The following CTPS2 variants were observed in gnomAD, a reference collection of about 807,000 sequenced individuals.
The protein encoded by CTPS2 is CTP synthase II.
Under a neutral mutation model 46.8 loss-of-function variants are expected in CTPS2, and 19 were observed. The observed-to-expected ratio is 0.41, with a 90% confidence interval of 0.28 to 0.60. The LOEUF is 0.60. CTPS2 is among the 20% of genes least tolerant of loss of function. CTPS2 has a pLI of 0.35. For missense variants in CTPS2, 286 were observed against 447.6 expected (o/e 0.64, Z 3.26); for synonymous variants, 151 against 165.2 (o/e 0.91, Z 0.66).
At chrX:16,619,847 A>G (rs1930724971) in intron 15 of CTPS2, among the ~76,000 whole-genome samples, 1 of 110,359 alleles carries the variant, frequency 9.1e-6, no homozygotes, top group African/African-American at 3.3e-5. Flanking sequence ...CAAACTAATC[A>G]CCCCCTGATA....
chrX:16,698,951 A>G lies in CTPS2; in HGVS notation c.309T>C (p.Arg103=), dbSNP rs773867164. ...GCACTGTTTTCCCCAGGTAATCACC[A>G]CGCCTCTCTTTATTGATCACATGCT... ...IYQHVINKER[R]GDYLGKTVQV... Residue 103 remains arginine, a synonymous_variant, in exon 3 of 19, where the codon CGT becomes CGC. Coordinates refer to ENST00000359276, the MANE Select transcript of CTPS2 (RefSeq NM_175859.3). 4.2e-6 allele frequency: 5 copies of G among 1,203,779 alleles called. No individual in the cohort carries two copies. The highest frequency in any genetic ancestry group is 5.6e-6 in the Non-Finnish European group (5 of 892,089).
Position 16,702,753 on chromosome X carries a change from A to G in CTPS2, c.150T>C (p.Phe50=), listed in dbSNP as rs1163908284. Residue 50 remains phenylalanine (F), a synonymous_variant, in exon 2 of 19, where the codon TTT becomes TTC. Transcript: ENST00000359276. The stretch of plus-strand genomic sequence containing the variant: ...CTTTCGTACCGTGTTCATAAGGTGA[A>G]AAAGTGCCAGCATCGATGTTAATAT... ...DPYINIDAGT[F]SPYEHGEVFV... The G allele has an allele frequency of 4.1e-6, 5 of 1,211,214 alleles. No individual in the cohort carries two copies. The South Asian group carries it at 8.8e-5, about 21-fold the overall frequency.
chrX:16,595,162 T>TAAAC (rs1555952295), intron 17 of CTPS2, among the ~76,000 whole-genome samples: 11 of 102,703 alleles, frequency 1.1e-4, no homozygotes, highest in Non-Finnish European at 2.0e-5. Context: ...AGCAATCTTT[T>TAAAC]ACACACACAC....
intron 17 of CTPS2, among the ~76,000 whole-genome samples, chrX:16,595,281 T>A (rs192018853): frequency 1.8e-5 from 2 of 111,749 alleles, no homozygotes; most frequent in East Asian, 5.6e-4. Context: ...TCCCTATGTG[T>A]CTTGTTACAT....
chrX:16,693,592 G>A (rs1923874194), intron 4 of CTPS2, 105 bp from the exon 5 acceptor site: 1 of 546,112 alleles, frequency 1.8e-6, no homozygotes, highest in Non-Finnish European at 3.1e-6. Context: ...GAGAACTAAA[G>A]TTTGATGGTT....
intron 13 of CTPS2, among the ~76,000 whole-genome samples, chrX:16,647,227 T>A (rs946013470): frequency 9.3e-6 from 1 of 107,409 alleles, no homozygotes; most frequent in Non-Finnish European, 1.9e-5. Flanking sequence ...AAGTATAAAT[T>A]CTGACAATAG....
intron 13 of CTPS2, chrX:16,651,141 A>G (rs771022384): frequency 1.5e-5 from 15 of 1,017,327 alleles, no homozygotes; most frequent in Non-Finnish European, 1.9e-5. Flanking sequence ...GTTTACTCAA[A>G]GTAAGTGGCC....
At chrX:16,632,929 T>C (rs1353961383) in intron 14 of CTPS2, among the ~76,000 whole-genome samples, 3 of 111,180 alleles carry the variant, frequency 2.7e-5, no homozygotes. Flanking sequence ...AAAGCCCCCT[T>C]AGTCCTATTC....
chrX:16,672,904 T>TTTTTG (rs1921881511), intron 10 of CTPS2, among the ~76,000 whole-genome samples: 1 of 94,982 alleles, frequency 1.1e-5, no homozygotes. Flanking sequence ...TTTTTTTTTT[T>TTTTTG]GAGACGGAGT....
chrX:16,656,665 C>T (rs940338648), intron 13 of CTPS2, among the ~76,000 whole-genome samples: 6 of 111,921 alleles, frequency 5.4e-5, no homozygotes, highest in Non-Finnish European at 9.4e-5. Flanking sequence ...CCGCTCGTCT[C>T]GGCCTCCCAA....
chrX:16,641,027 A>C (rs1437934239), intron 13 of CTPS2, among the ~76,000 whole-genome samples: 3 of 111,986 alleles, frequency 2.7e-5, no homozygotes, highest in Non-Finnish European at 5.6e-5. Context: ...TGGCCTTGGC[A>C]TCTTGTTCCT....
At chrX:16,692,451 A>G (rs1923781450) in intron 6 of CTPS2, among the ~76,000 whole-genome samples, 1 of 110,785 alleles carries the variant, frequency 9.0e-6, no homozygotes, top group Non-Finnish European at 1.9e-5. Context: ...TGGGCAACAG[A>G]GCCAGACCCC....
intron 7 of CTPS2, 150 bp from the exon 8 acceptor site, chrX:16,689,751 A>G: frequency 4.2e-6 from 2 of 470,629 alleles, no homozygotes. Flanking sequence ...AACCAAAGCT[A>G]GCATCAGAAT....
At chrX:16,701,085 C>T (rs769319383) in intron 2 of CTPS2, among the ~76,000 whole-genome samples, 4 of 111,841 alleles carry the variant, frequency 3.6e-5, no homozygotes, top group Non-Finnish European at 5.6e-5. Flanking sequence ...AAATGTACTC[C>T]ACAGAGGGAT....
intron 4 of CTPS2, among the ~76,000 whole-genome samples, chrX:16,694,299 G>A (rs1380077305): frequency 9.0e-6 from 1 of 111,665 alleles, no homozygotes; most frequent in Non-Finnish European, 1.9e-5. Context: ...GGTACTCCAT[G>A]CTCTTCCTTC....
intron 1 of CTPS2, chrX:16,712,096 G>A (rs941499082): frequency 1.8e-5 from 2 of 111,395 alleles, no homozygotes; most frequent in African/African-American, 6.5e-5. Flanking sequence ...ACTGGGCACG[G>A]GCCAGCGTTC....
chrX:16,655,859 G>A (rs1339942190), intron 13 of CTPS2, among the ~76,000 whole-genome samples: 3 of 108,183 alleles, frequency 2.8e-5, no homozygotes, highest in Non-Finnish European at 5.8e-5. Flanking sequence ...GCAGTGGCAC[G>A]ATCTTGGCTC....
In CTPS2 at chrX:16,651,082, C is replaced by T. The variant is rs779597184; in HGVS notation, c.1297-11839G>A. ...TGCAGCCAAAGAAGGTGATCCAGACCAGTTGTCAAAGGATGAACTGAAGCT... is the reference window on the plus strand; with the variant it reads ...TGCAGCCAAAGAAGGTGATCCAGACTAGTTGTCAAAGGATGAACTGAAGCT... On this transcript the variant is annotated intron_variant, in intron 13 of 18. Transcript: ENST00000359276. The T allele has an allele frequency of 2.5e-5, 30 of 1,206,396 alleles. No individual in the cohort carries two copies. In the South Asian group the frequency reaches 5.1e-4, roughly 21 times the overall value.
intron 1 of CTPS2, among the ~76,000 whole-genome samples, chrX:16,709,114 A>C (rs1479772835): frequency 1.8e-5 from 2 of 110,709 alleles, no homozygotes; most frequent in Non-Finnish European, 3.8e-5. Context: ...CGTCTCAAAA[A>C]AAAAAGTTAA....
Sources: gnomAD v4.1 joint callset for allele counts (sites outside exome capture counted in the v4.1 genomes callset) on GRCh38, gnomAD v4.1.1 for gene constraint, MANE v1.5 for transcripts, NCBI Gene and HGNC (gene_info 2026-07-23, HGNC 2026-07-21) for gene names.